HSD17B7: variants seen among roughly 807,000 people sequenced by gnomAD.
HSD17B7 encodes the protein 3-keto-steroid reductase/17-beta-hydroxysteroid dehydrogenase 7.
HSD17B7 carries 17 observed loss-of-function variants against 34.1 expected under a neutral mutation model. The ratio of observed to expected loss-of-function variants is 0.50; its 90% CI spans 0.34 to 0.75. The LOEUF is 0.75. HSD17B7 is among the 30% of genes least tolerant of loss of function. The pLI, the probability that HSD17B7 is intolerant of heterozygous loss-of-function variation, is 0.01. For missense variants in HSD17B7, 296 were observed against 406.6 expected (o/e 0.73, Z 2.34); for synonymous variants, 122 against 154.6 (o/e 0.79, Z 1.56).
At chr1:162,798,131 T>G (rs1430288450) in intron 4 of HSD17B7, 1 of 794,908 alleles carries the variant, frequency 1.3e-6, no homozygotes, top group African/African-American at 1.8e-5. Context: ...TAATAGTTTT[T>G]GATTTACAGA....
chr1:162,802,072 G>A (rs892735917), intron 5 of HSD17B7, among the ~76,000 whole-genome samples: 4 of 152,036 alleles, frequency 2.6e-5, no homozygotes, highest in African/African-American at 9.7e-5. Context: ...TACTGGAAAT[G>A]TTGTCAGGTT....
At chr1:162,792,608 C>T (rs766300500) in intron 1 of HSD17B7, 51 bp from the exon 2 acceptor site, 1 of 1,577,040 alleles carries the variant, frequency 6.3e-7, no homozygotes, top group African/African-American at 1.3e-5. Flanking sequence ...AATGCCTGTA[C>T]CTGATGCCAT....
intron 5 of HSD17B7, among the ~76,000 whole-genome samples, chr1:162,802,689 G>A (rs1648851671): frequency 6.6e-6 from 1 of 152,102 alleles, no homozygotes; most frequent in African/African-American, 2.4e-5. Context: ...AAAGTAAAAT[G>A]TATAGTATAA....
chr1:162,810,834 A>G (rs527642742), intron 8 of HSD17B7, among the ~76,000 whole-genome samples: 13 of 152,138 alleles, frequency 8.5e-5, no homozygotes, highest in African/African-American at 2.7e-4. Flanking sequence ...TTTTGAGCCT[A>G]TGTGTCTCTC....
At chr1:162,792,165 T>C (rs1209168753) in intron 1 of HSD17B7, among the ~76,000 whole-genome samples, 5 of 152,260 alleles carry the variant, frequency 3.3e-5, no homozygotes, top group African/African-American at 1.2e-4. Flanking sequence ...AAGATTCATC[T>C]GTTCCTTTAT....
intron 8 of HSD17B7, among the ~76,000 whole-genome samples, chr1:162,808,454 C>G (rs925544792): frequency 1.3e-5 from 2 of 152,276 alleles, no homozygotes; most frequent in Admixed American, 6.5e-5. Flanking sequence ...AATGCGGGCC[C>G]TTTTTTGGTT....
At position 162,803,419 on chromosome 1, in the gene HSD17B7, C is replaced by T; in HGVS notation, c.643-12C>T. The T allele has an allele frequency of 6.2e-7, 1 of 1,611,252 alleles. No homozygotes were observed. The highest frequency in any genetic ancestry group is 8.5e-7 in the Non-Finnish European group (1 of 1,178,148). The stretch of plus-strand genomic sequence containing the variant: ...GAGTTAAAGTCTCATTGCTACACCT[C>T]TCTGTTCCTAGGGTCTCTATTCCAA... On this transcript the variant is annotated splice_polypyrimidine_tract_variant and intron_variant, in intron 5 of 8. Coordinates refer to ENST00000254521, the MANE Select transcript of HSD17B7 (RefSeq NM_016371.4).
intron 4 of HSD17B7, chr1:162,798,994 CAA>C (rs58731372): frequency 0.29 from 40,229 of 138,546 alleles, 5,585 homozygotes; most frequent in Non-Finnish European, 0.35. Context: ...AACTCCGTCT[CAA>C]AAAAAAAAAA....
intron 8 of HSD17B7, among the ~76,000 whole-genome samples, chr1:162,808,809 C>T (rs1448664219): frequency 6.6e-6 from 1 of 152,184 alleles, no homozygotes; most frequent in East Asian, 1.9e-4. Context: ...GATTTTTGCA[C>T]ATTGATTTTG....
At chr1:162,801,751 C>T (rs1648824100) in intron 5 of HSD17B7, among the ~76,000 whole-genome samples, 1 of 151,970 alleles carries the variant, frequency 6.6e-6, no homozygotes, top group South Asian at 2.1e-4. Context: ...CATGTTGGCC[C>T]AATTGTGCAC....
chr1:162,799,201 T>A (rs937757255), intron 4 of HSD17B7, among the ~76,000 whole-genome samples: 1 of 152,204 alleles, frequency 6.6e-6, no homozygotes, highest in Non-Finnish European at 1.5e-5. Flanking sequence ...TATTTTCTGC[T>A]TTGAAATTAT....
intron 2 of HSD17B7, chr1:162,793,105 C>T (rs1226795543): frequency 1.2e-5 from 3 of 248,534 alleles, no homozygotes; most frequent in Non-Finnish European, 2.2e-5. Context: ...GTGATCTCGG[C>T]TCACTTCAAC....
chr1:162,809,007 T>C (rs932776315), intron 8 of HSD17B7, among the ~76,000 whole-genome samples: 2 of 152,220 alleles, frequency 1.3e-5, no homozygotes, highest in Admixed American at 1.3e-4. Flanking sequence ...AACACTATGT[T>C]GAATAGGAGT....
Position 162,792,786 on chromosome 1 carries a change from G to A in HSD17B7, c.163G>A (p.Ala55Thr), listed in dbSNP as rs1480349246. 6.2e-7 allele frequency: 1 copy of A among 1,614,208 alleles called. No individual in the cohort carries two copies. The highest frequency in any genetic ancestry group is 1.7e-5 in the Admixed American group (1 of 60,026). Residue 55 changes from alanine (A) to threonine (T), a missense_variant, in exon 2 of 9, where the codon GCT becomes ACT. Ala to Thr is a moderately conservative substitution (Grantham distance 58). Transcript: ENST00000254521. The part of the protein sequence containing the change: ...CAALLASHPT[A>T]EVTIVQVDVS... Reference sequence around the variant, plus strand: ...TGCTCTGCTGGCCTCTCACCCCACTGCTGAGGTCACCATTGTCCAGGTGGA... The same window carrying A: ...TGCTCTGCTGGCCTCTCACCCCACTACTGAGGTCACCATTGTCCAGGTGGA...
intron 5 of HSD17B7, among the ~76,000 whole-genome samples, chr1:162,801,629 T>A (rs1320120822): frequency 2.0e-5 from 3 of 152,164 alleles, no homozygotes; most frequent in Non-Finnish European, 4.4e-5. Context: ...TGCACATGTG[T>A]TTGTGAATGT....
Position 162,803,539 on chromosome 1 carries a change from A to C in HSD17B7, c.747+4A>C, listed in dbSNP as rs1648886268. ...GTTGATGCCGGCAATATTGCTAGTA[A>C]GTGATGAATATACTTCTTTTCTTAA... is the stretch of plus-strand genomic sequence containing the variant. On this transcript the variant is annotated splice_donor_region_variant and intron_variant, in intron 6 of 8. Transcript: ENST00000254521. The C allele has an allele frequency of 1.2e-6, 2 of 1,611,558 alleles. No individual in the cohort carries two copies. The highest frequency in any genetic ancestry group is 2.7e-5 in the African/African-American group (2 of 74,848).
At chr1:162,793,940 A>T (rs1315409736) in intron 2 of HSD17B7, among the ~76,000 whole-genome samples, 1 of 152,168 alleles carries the variant, frequency 6.6e-6, no homozygotes, top group African/African-American at 2.4e-5. Flanking sequence ...AGTAATTGGC[A>T]TGTAATAGAC....
At chr1:162,802,313 A>G (rs1413834812) in intron 5 of HSD17B7, among the ~76,000 whole-genome samples, 1 of 152,234 alleles carries the variant, frequency 6.6e-6, no homozygotes, top group Admixed American at 6.5e-5. Flanking sequence ...TTTAGGACAG[A>G]ATAGTCCCCA....
intron 5 of HSD17B7, among the ~76,000 whole-genome samples, chr1:162,802,337 A>G (rs914139816): frequency 3.9e-5 from 6 of 152,220 alleles, no homozygotes; most frequent in Non-Finnish European, 7.3e-5. Context: ...GATCCTAGGA[A>G]GCTCCTAGAA....
Sources: gnomAD v4.1 joint callset for allele counts (sites outside exome capture counted in the v4.1 genomes callset) on GRCh38, gnomAD v4.1.1 for gene constraint, MANE v1.5 for transcripts, NCBI Gene and HGNC (gene_info 2026-07-23, HGNC 2026-07-21) for gene names.